The following KIF13A variants were observed in gnomAD, a reference collection of about 807,000 sequenced individuals.
KIF13A encodes the protein kinesin-like protein KIF13A.
A neutral mutation model predicts 212.2 loss-of-function variants in KIF13A; 79 were observed. The observed-to-expected ratio is 0.37, with a 90% confidence interval of 0.31 to 0.45. KIF13A has a LOEUF of 0.45. Among genes scored for constraint, KIF13A ranks in the 20% least tolerant of loss-of-function variants. The pLI is 1.00. For missense variants in KIF13A, 1,901 were observed against 2,209.0 expected (o/e 0.86, Z 2.79); for synonymous variants, 789 against 808.6 (o/e 0.98, Z 0.41).
At chr6:17,902,152 T>C (rs1440267798) in intron 2 of KIF13A, among the ~76,000 whole-genome samples, 1 of 152,164 alleles carries the variant, frequency 6.6e-6, no homozygotes, top group African/African-American at 2.4e-5. Flanking sequence ...AGAACATCCC[T>C]TGAAACAGAC....
In KIF13A at chr6:17,900,942, G is replaced by A. The variant is rs1561740071; in HGVS notation, c.147-2762C>T. ...AAATACAAAAAATTAGCCGGGCGTG[G>A]TGGCGGGTGCCTGTAGTCCCAGCTA... On this transcript the variant is annotated intron_variant, in intron 2 of 38. Transcript: ENST00000259711. The surrounding 1 kb of genome is among the most constrained non-coding windows in gnomAD (Gnocchi z 4.6). Among the ~76,000 whole-genome samples the A allele has an allele frequency of 1.3e-5, 2 of 152,004 alleles. No homozygotes were observed. Among genetic ancestry groups the A allele is most frequent in the Non-Finnish European group, 2.9e-5 (2 of 68,000 alleles).
chr6:17,934,605 T>C lies in KIF13A; in HGVS notation c.147-36425A>G, dbSNP rs930022445. Among the ~76,000 whole-genome samples the C allele has an allele frequency of 2.0e-5, 3 of 151,858 alleles. No homozygotes were observed. The highest frequency in any genetic ancestry group is 4.8e-5 in the African/African-American group (2 of 41,336). On this transcript the variant is annotated intron_variant, in intron 2 of 38. Coordinates refer to ENST00000259711, the MANE Select transcript of KIF13A (RefSeq NM_022113.6). The surrounding 1 kb of genome is among the most constrained non-coding windows in gnomAD (Gnocchi z 5.4). ...AAATTCGAGACCAGCCTGGGCAACA[T>C]AGGGAAACCCTGTCTCTACAAAAAT...
chr6:17,814,684 G>C (rs1383189014), intron 17 of KIF13A, among the ~76,000 whole-genome samples: 2 of 152,142 alleles, frequency 1.3e-5, no homozygotes, highest in African/African-American at 4.8e-5. Context: ...CTGATTGCCT[G>C]ACCTATAAGA....
At chr6:17,916,151 CAGTATT>C (rs1321911486) in intron 2 of KIF13A, among the ~76,000 whole-genome samples, 1 of 152,034 alleles carries the variant, frequency 6.6e-6, no homozygotes, top group East Asian at 1.9e-4. Context: ...GCGTTCATGG[CAGTATT>C]ATTCTCTAGG....
chr6:17,762,392 T>C (rs565324758), downstream of KIF13A, among the ~76,000 whole-genome samples: 2 of 152,024 alleles, frequency 1.3e-5, no homozygotes, highest in South Asian at 2.1e-4. Flanking sequence ...TTTGTATTTT[T>C]AGTAGAGATG....
chr6:17,908,891 T>G (rs776434031), intron 2 of KIF13A, among the ~76,000 whole-genome samples: 3 of 152,092 alleles, frequency 2.0e-5, no homozygotes, highest in Non-Finnish European at 4.4e-5. Flanking sequence ...TGGTGAGGAG[T>G]TCAGGATTGG....
intron 4 of KIF13A, among the ~76,000 whole-genome samples, chr6:17,870,619 C>T (rs781379701): frequency 2.9e-4 from 44 of 152,030 alleles, no homozygotes; most frequent in Non-Finnish European, 5.3e-4. Flanking sequence ...CTCCAATAGC[C>T]CCTATTTTTC....
Position 17,912,258 on chromosome 6 carries a change from T to C in KIF13A, c.147-14078A>G, listed in dbSNP as rs1774141856. Among the ~76,000 whole-genome samples, 1 of 149,628 alleles carries C rather than the reference T, an allele frequency of 6.7e-6. No homozygotes were observed. The highest frequency in any genetic ancestry group is 1.5e-5 in the Non-Finnish European group (1 of 67,228). On this transcript the variant is annotated intron_variant, in intron 2 of 38. Transcript: ENST00000259711. The surrounding 1 kb of genome is among the most constrained non-coding windows in gnomAD (Gnocchi z 4.2). Reference sequence around the variant, plus strand: ...CGACATACCCAGAAAAATTAGAAGTTAAAAAAAAAATACAAGCTTTCTTTT... The same window carrying C: ...CGACATACCCAGAAAAATTAGAAGTCAAAAAAAAAATACAAGCTTTCTTTT...
chr6:17,826,109 G>C lies in KIF13A; in HGVS notation c.1548C>G (p.Gly516=). The C allele has an allele frequency of 1.9e-6, 3 of 1,613,970 alleles. No individual in the cohort carries two copies. The highest frequency in any genetic ancestry group is 2.5e-6 in the Non-Finnish European group (3 of 1,179,840). The stretch of plus-strand genomic sequence containing the variant: ...GCTGGGTGGTACTGCACACAAGGGT[G>C]CCGTTCACACAGGACCTGGGAGAAC... ...PKENARSCVN[G]TLVCSTTQLW... The change falls in exon 15 of 39, where the codon GGC becomes GGG. Residue 516 remains glycine (G), a synonymous_variant. Coordinates refer to ENST00000259711, the MANE Select transcript of KIF13A (RefSeq NM_022113.6). This position sits in a 1 kb window ranked among gnomAD's most constrained non-coding sequence, Gnocchi z 4.7.
At position 17,783,972 on chromosome 6, in the gene KIF13A, G is replaced by T. The variant is rs561862625; in HGVS notation, c.3489-271C>A. 1.3e-5 allele frequency among the ~76,000 whole-genome samples: 2 copies of T among 152,196 alleles called. No homozygotes were observed. The highest frequency in any genetic ancestry group is 2.9e-5 in the Non-Finnish European group (2 of 68,034). On this transcript the variant is annotated intron_variant, in intron 28 of 38. Coordinates refer to ENST00000259711, the MANE Select transcript of KIF13A (RefSeq NM_022113.6). The surrounding 1 kb of genome is among the most constrained non-coding windows in gnomAD (Gnocchi z 4.3). ...CTTTCTAAAAATAATTCCCATGAGAGGTAAAGGGAAGGGGGGATGTTGTTA... is the reference window on the plus strand; with the variant it reads ...CTTTCTAAAAATAATTCCCATGAGATGTAAAGGGAAGGGGGGATGTTGTTA...
At chr6:17,814,153 T>G (rs189344976) in intron 17 of KIF13A, among the ~76,000 whole-genome samples, 2,651 of 151,318 alleles carry the variant, frequency 0.018, 30 homozygotes, top group Non-Finnish European at 0.028. Flanking sequence ...GGGTTTCACC[T>G]TGTTAGCCAG....
chr6:17,817,577 C>T (rs1276782039), intron 16 of KIF13A, among the ~76,000 whole-genome samples: 3 of 152,180 alleles, frequency 2.0e-5, no homozygotes, highest in Non-Finnish European at 4.4e-5. Context: ...AAAAACTTCA[C>T]GAAATCTAGG....
At position 17,782,993 on chromosome 6, in the gene KIF13A, C is replaced by T. The variant is rs7745330; in HGVS notation, c.3544+653G>A. On this transcript the variant is annotated intron_variant, in intron 29 of 38. Coordinates refer to ENST00000259711, the MANE Select transcript of KIF13A (RefSeq NM_022113.6). Reference sequence around the variant, plus strand: ...CTTCACATGAAGAGCCAAAGCCACCCTCCCTGTGTCTTCCATCCATTATTT... The same window carrying T: ...CTTCACATGAAGAGCCAAAGCCACCTTCCCTGTGTCTTCCATCCATTATTT... 1.2e-3 allele frequency among the ~76,000 whole-genome samples: 180 copies of T among 152,298 alleles called. 2 individuals are homozygous for T. Among genetic ancestry groups the T allele is most frequent in the African/African-American group, 3.9e-3 (163 of 41,564 alleles).
intron 2 of KIF13A, among the ~76,000 whole-genome samples, chr6:17,948,677 CA>C (rs1224212525): frequency 6.8e-6 from 1 of 146,128 alleles, no homozygotes; most frequent in East Asian, 2.1e-4. Context: ...TTCTCTGCAT[CA>C]GCCTCCCGAG....
At chr6:17,876,242 C>A (rs1190938166) in intron 3 of KIF13A, among the ~76,000 whole-genome samples, 2 of 152,132 alleles carry the variant, frequency 1.3e-5, no homozygotes, top group African/African-American at 4.8e-5. Flanking sequence ...TGCTTAATCA[C>A]TTCCAAGAGA....
Position 17,789,837 on chromosome 6 carries a change from G to A in KIF13A, c.3261+35C>T. The A allele has an allele frequency of 6.3e-7, 1 of 1,593,096 alleles. No individual in the cohort carries two copies. Among genetic ancestry groups the A allele is most frequent in the Non-Finnish European group, 8.6e-7 (1 of 1,162,580 alleles). On this transcript the variant is annotated intron_variant, in intron 26 of 38. Transcript: ENST00000259711. This position sits in a 1 kb window ranked among gnomAD's most constrained non-coding sequence, Gnocchi z 4.8. ...AATGCTGGCAATTAGCAGTAGCTGTGCCCCATGCCACAGGATTGACAGCAG... is the reference window on the plus strand; with the variant it reads ...AATGCTGGCAATTAGCAGTAGCTGTACCCCATGCCACAGGATTGACAGCAG...
chr6:17,882,661 G>A (rs1004418412), intron 3 of KIF13A, among the ~76,000 whole-genome samples: 10 of 151,416 alleles, frequency 6.6e-5, no homozygotes, highest in East Asian at 3.9e-4. Context: ...TCCCAGGTTC[G>A]AGCGATTCCC....
Position 17,768,051 on chromosome 6 carries a change from A to T in KIF13A, c.4581+3063T>A, listed in dbSNP as rs1417466764. On this transcript the variant is annotated intron_variant, in intron 38 of 38. Transcript: ENST00000259711. The surrounding 1 kb of genome is among the most constrained non-coding windows in gnomAD (Gnocchi z 5.4). ...CCAGAAAAAGGAAAACTTAGTAGAG[A>T]TTAAACATTTTCCAATACTTAAAAG... 6.6e-6 allele frequency among the ~76,000 whole-genome samples: 1 copy of T among 152,220 alleles called. No homozygotes were observed. The highest frequency in any genetic ancestry group is 1.5e-5 in the Non-Finnish European group (1 of 68,040).
chr6:17,944,185 T>C (rs545818272), intron 2 of KIF13A, among the ~76,000 whole-genome samples: 3 of 152,308 alleles, frequency 2.0e-5, no homozygotes, highest in South Asian at 2.1e-4. Context: ...CTCTGAGAAA[T>C]CACAAAGTAA....
Sources: allele counts gnomAD v4.1 joint callset (sites outside exome capture counted in the v4.1 genomes callset), GRCh38; gene constraint gnomAD v4.1.1; non-coding constraint Gnocchi (gnomAD v3.1); transcripts MANE v1.5; gene names NCBI Gene and HGNC (gene_info 2026-07-23, HGNC 2026-07-21).